The following PTPN11 variants were observed in gnomAD, a reference collection of about 807,000 sequenced individuals.
PTPN11 encodes the protein protein tyrosine phosphatase non-receptor type 11.
PTPN11 carries 6 observed loss-of-function variants against 78.8 expected under a neutral mutation model. The ratio of observed to expected loss-of-function variants is 0.08; its 90% CI spans 0.04 to 0.15. The LOEUF (loss-of-function observed/expected upper bound fraction) is 0.15. Ranked by LOEUF, PTPN11 falls within the 10% of genes least tolerant of loss-of-function variation. The pLI is 1.00. For synonymous variants in PTPN11, 221 were observed against 263.5 expected, an observed-to-expected ratio of 0.84 and a Z score of 1.56; for missense variants, 386 against 744.8, an observed-to-expected ratio of 0.52 and a Z score of 5.61.
chr12:112,493,717 C>T (rs776492858), intron 13 of PTPN11, among the ~76,000 whole-genome samples: 22 of 152,102 alleles, frequency 1.4e-4, no homozygotes, highest in Non-Finnish European at 3.1e-4. Context: ...CTATAATCAC[C>T]ATGCTGTACA....
intron 9 of PTPN11, among the ~76,000 whole-genome samples, chr12:112,481,407 A>C (rs1437992376): frequency 6.6e-6 from 1 of 152,132 alleles, no homozygotes; most frequent in African/African-American, 2.4e-5. Context: ...CTCTCCTTTG[A>C]CATGTGCTTG....
At chr12:112,505,676 A>C (rs968201244) in intron 15 of PTPN11, 149 bp from the exon 16 acceptor site, 9 of 152,402 alleles carry the variant, frequency 5.9e-5, no homozygotes, top group East Asian at 1.9e-4. Context: ...AAAAAAAAAA[A>C]AAAAACTCAG....
intron 6 of PTPN11, chr12:112,457,351 C>CT: frequency 7.3e-6 from 2 of 272,144 alleles, no homozygotes; most frequent in South Asian, 5.7e-5. Flanking sequence ...TGAACTCATT[C>CT]TTTTTTTATG....
chr12:112,495,617 C>T (rs1317162402), intron 13 of PTPN11, among the ~76,000 whole-genome samples: 1 of 152,144 alleles, frequency 6.6e-6, no homozygotes, highest in Non-Finnish European at 1.5e-5. Context: ...TCCTCCTTAA[C>T]TTATGATGGG....
intron 6 of PTPN11, among the ~76,000 whole-genome samples, chr12:112,471,943 G>C (rs2038425014): frequency 6.6e-6 from 1 of 152,008 alleles, no homozygotes. Flanking sequence ...AGTAGAGACG[G>C]GGTTTTGTCA....
At chr12:112,434,903 C>G (rs1335115631) in intron 1 of PTPN11, among the ~76,000 whole-genome samples, 1 of 151,860 alleles carries the variant, frequency 6.6e-6, no homozygotes, top group African/African-American at 2.4e-5. Flanking sequence ...TCTTGTGCCT[C>G]AGCCTCCCAA....
At chr12:112,493,338 C>T (rs1046349161) in intron 13 of PTPN11, among the ~76,000 whole-genome samples, 2 of 150,936 alleles carry the variant, frequency 1.3e-5, no homozygotes, top group South Asian at 2.1e-4. Context: ...GGATTACAGG[C>T]GTGAGCCACT....
intron 6 of PTPN11, among the ~76,000 whole-genome samples, chr12:112,469,525 T>C (rs2038381516): frequency 1.3e-5 from 2 of 152,022 alleles, no homozygotes; most frequent in African/African-American, 4.8e-5. Flanking sequence ...TTCTTTTTCT[T>C]TTTTTTTGAG....
rs1381707337 is a variant in PTPN11 at position 112,502,203 on chromosome 12, G to A, written c.1659G>A (p.Thr553=). Reference sequence around the variant, plus strand: ...TTAAGTATTCTCTAGCGGACCAGACGAGTGGAGATCAGAGCCCTCTCCCGC... The same window carrying A: ...TTAAGTATTCTCTAGCGGACCAGACAAGTGGAGATCAGAGCCCTCTCCCGC... ...TNIKYSLADQ[T]SGDQSPLPPC... Residue 553 remains threonine (T), a synonymous_variant, in exon 14 of 16, where the codon ACG becomes ACA. Transcript: ENST00000351677. The A allele has an allele frequency of 1.2e-5, 20 of 1,613,958 alleles. No homozygotes were observed. Among genetic ancestry groups the A allele is most frequent in the East Asian group, 2.2e-5 (1 of 44,882 alleles).
rs536770444 is a variant in PTPN11 at position 112,474,305 on chromosome 12, G to A, written c.853+1265G>A. On this transcript the variant is annotated intron_variant, in intron 7 of 15. Coordinates refer to ENST00000351677, the MANE Select transcript of PTPN11 (RefSeq NM_002834.5). ...TGGGAGGCGGAGGTTGCAATGAGCC[G>A]GAGGTGCTATGTGCACCACTGCACT... Among the ~76,000 whole-genome samples the A allele has an allele frequency of 7.9e-5, 12 of 152,228 alleles. No individual in the cohort carries two copies. The South Asian group carries it at 1.7e-3, about 21-fold the overall frequency.
chr12:112,434,422 A>T (rs2037758406), intron 1 of PTPN11, among the ~76,000 whole-genome samples: 1 of 152,106 alleles, frequency 6.6e-6, no homozygotes, highest in Non-Finnish European at 1.5e-5. Flanking sequence ...ATCCTGGCCA[A>T]CATGGTGAAA....
chr12:112,438,269 A>G (rs1032421031), intron 1 of PTPN11, among the ~76,000 whole-genome samples: 3 of 151,972 alleles, frequency 2.0e-5, no homozygotes, highest in African/African-American at 7.3e-5. Flanking sequence ...AAGTTTGGGC[A>G]TTCTCTTTAA....
chr12:112,488,926 A>G, intron 12 of PTPN11, 98 bp from the exon 13 acceptor site: 1 of 1,504,564 alleles, frequency 6.6e-7, no homozygotes, highest in African/African-American at 1.4e-5. Context: ...GCAAAGACTA[A>G]ATTAGCATTG....
intron 3 of PTPN11, 37 bp from the exon 4 acceptor site, chr12:112,453,158 T>C: frequency 1.3e-6 from 2 of 1,559,146 alleles, no homozygotes; most frequent in Non-Finnish European, 1.8e-6. Context: ...GAACCCATAG[T>C]AGAGCTAAAT....
intron 13 of PTPN11, among the ~76,000 whole-genome samples, chr12:112,498,077 C>T (rs1245825965): frequency 6.6e-6 from 1 of 151,862 alleles, no homozygotes; most frequent in East Asian, 1.9e-4. Context: ...CGCTTGAACC[C>T]GGGAGGCAGA....
At chr12:112,496,202 G>A (rs1327363930) in intron 13 of PTPN11, among the ~76,000 whole-genome samples, 1 of 152,088 alleles carries the variant, frequency 6.6e-6, no homozygotes, top group Non-Finnish European at 1.5e-5. Flanking sequence ...AATTGTTACA[G>A]CTTTGGTCAC....
At chr12:112,442,823 TCTC>T (rs1236145227) in intron 1 of PTPN11, among the ~76,000 whole-genome samples, 16 of 87,806 alleles carry the variant, frequency 1.8e-4, no homozygotes, top group South Asian at 1.2e-3. Context: ...TCTCTCTCTC[TCTC>T]TTTTTATATA....
At chr12:112,476,717 C>T (rs1282627004) in intron 7 of PTPN11, among the ~76,000 whole-genome samples, 1 of 151,960 alleles carries the variant, frequency 6.6e-6, no homozygotes, top group Admixed American at 6.6e-5. Context: ...TGCAGAGAGC[C>T]GAGATAGTGC....
intron 1 of PTPN11, among the ~76,000 whole-genome samples, chr12:112,424,466 C>T (rs1221823711): frequency 6.6e-6 from 1 of 152,016 alleles, no homozygotes; most frequent in Non-Finnish European, 1.5e-5. Context: ...TCTCTGGCTG[C>T]TGTGAAGGAA....
Sources: gnomAD v4.1 joint callset for allele counts (sites outside exome capture counted in the v4.1 genomes callset) on GRCh38, gnomAD v4.1.1 for gene constraint, MANE v1.5 for transcripts, NCBI Gene and HGNC (gene_info 2026-07-23, HGNC 2026-07-21) for gene names.